SYN3: variants seen among roughly 807,000 people sequenced by gnomAD.
SYN3 encodes synapsin-3.
SYN3 carries 35 observed loss-of-function variants against 65.8 expected under a neutral mutation model. The ratio of observed to expected loss-of-function variants is 0.53; its 90% confidence interval spans 0.41 to 0.70. SYN3 has a LOEUF of 0.70. Among genes scored for constraint, SYN3 ranks in the 30% least tolerant of loss-of-function variants. SYN3 has a pLI of 0.00. For missense variants in SYN3, 680 were observed against 749.0 expected, an observed-to-expected ratio of 0.91 and a Z score of 1.08; for synonymous variants, 270 against 292.9, an observed-to-expected ratio of 0.92 and a Z score of 0.80.
At chr22:32,599,805 C>T (rs2146608401) in intron 6 of SYN3, among the ~76,000 whole-genome samples, 1 of 152,224 alleles carries the variant, frequency 6.6e-6, no homozygotes, top group Admixed American at 6.5e-5. Flanking sequence ...AGTTATGTGT[C>T]TTGTGCTGGT....
At position 32,878,960 on chromosome 22, in the gene SYN3, T is replaced by C. The variant is rs529679300; in HGVS notation, c.462-9835A>G. Among the ~76,000 whole-genome samples, 4 of 152,312 alleles carry C rather than the reference T, an allele frequency of 2.6e-5. No individual in the cohort carries two copies. In the South Asian group the frequency reaches 8.3e-4, roughly 32 times the overall value. ...AAAGATACCTAAATCTGGGTATTTATGTGAAATTCTCAATTACTTAAATGT... is the reference window on the plus strand; with the variant it reads ...AAAGATACCTAAATCTGGGTATTTACGTGAAATTCTCAATTACTTAAATGT... On this transcript the variant is annotated intron_variant, in intron 4 of 13. Transcript: ENST00000358763.
chr22:33,052,149 T>C (rs1385268243), intron 1 of SYN3, among the ~76,000 whole-genome samples: 1 of 152,128 alleles, frequency 6.6e-6, no homozygotes, highest in Non-Finnish European at 1.5e-5. Flanking sequence ...TGACCTTCAG[T>C]CTAGAGCTAG....
In SYN3 at chr22:32,990,723, T is replaced by A. The variant is rs5998687; in HGVS notation, c.312-10021A>T. Among the ~76,000 whole-genome samples the A allele has an allele frequency of 8.7e-4, 133 of 152,290 alleles. 1 individual carries two copies. The highest frequency in any genetic ancestry group is 3.1e-3 in the African/African-American group (127 of 41,570). On this transcript the variant is annotated intron_variant, in intron 2 of 13. Coordinates refer to ENST00000358763, the MANE Select transcript of SYN3 (RefSeq NM_003490.4). ...AGTAGACCTCATAGAATCCACAGTCTTGTTTTGTTGCACTTAAATTGTATA... is the reference window on the plus strand; with the variant it reads ...AGTAGACCTCATAGAATCCACAGTCATGTTTTGTTGCACTTAAATTGTATA...
intron 7 of SYN3, among the ~76,000 whole-genome samples, chr22:32,553,151 G>A (rs2058441404): frequency 6.6e-6 from 1 of 152,050 alleles, no homozygotes; most frequent in African/African-American, 2.4e-5. Context: ...ACCTCCCATA[G>A]ATCCCATCTC....
At chr22:33,019,182 A>C (rs1266290601) in intron 1 of SYN3, among the ~76,000 whole-genome samples, 2 of 152,192 alleles carry the variant, frequency 1.3e-5, no homozygotes, top group Admixed American at 6.5e-5. Flanking sequence ...AAATACCTTA[A>C]TCATTGCCAT....
intron 1 of SYN3, 60 bp downstream of exon 1, chr22:33,058,232 T>A (rs1377890029): frequency 1.3e-5 from 2 of 151,614 alleles, no homozygotes; most frequent in African/African-American, 2.4e-5. Context: ...CCGCTCGAGG[T>A]GGGGTCTCCC....
rs8142144 is a variant in SYN3, at chr22:32,771,655, G to A, written c.711+93260C>T. 9.7e-3 allele frequency among the ~76,000 whole-genome samples: 1,471 copies of A among 152,230 alleles called. 30 individuals are homozygous for A. The highest frequency in any genetic ancestry group is 0.034 in the African/African-American group (1,432 of 41,526). On this transcript the variant is annotated intron_variant, in intron 6 of 13. Transcript: ENST00000358763. ...GCCCAAATACATCTACATCATATTC[G>A]GTGTACATGACTGGCCATTTCAAAT...
chr22:32,744,448 C>T (rs1322901977), intron 6 of SYN3, among the ~76,000 whole-genome samples: 1 of 152,182 alleles, frequency 6.6e-6, no homozygotes, highest in African/African-American at 2.4e-5. Context: ...TGCTGGGTAT[C>T]GAGTGAGCTA....
chr22:32,742,069 C>T (rs2044788039), intron 6 of SYN3, among the ~76,000 whole-genome samples: 2 of 151,786 alleles, frequency 1.3e-5, no homozygotes, highest in South Asian at 2.1e-4. Flanking sequence ...GTCAGGAGAT[C>T]GAGACCATCC....
rs1318391217 is a variant in SYN3 at position 32,789,057 on chromosome 22, G to C, written c.711+75858C>G. Among the ~76,000 whole-genome samples, 8 of 152,214 alleles carry C rather than the reference G, an allele frequency of 5.3e-5. No individual in the cohort carries two copies. In the East Asian group the frequency reaches 1.5e-3, roughly 29 times the overall value. On this transcript the variant is annotated intron_variant, in intron 6 of 13. Coordinates refer to ENST00000358763, the MANE Select transcript of SYN3 (RefSeq NM_003490.4). ...GGATTGCTGGGCCCCCCTCCAGCTG[G>C]CTCCGGCTCCAGGCCTCTGAGCCGC...
At chr22:32,633,874 C>G (rs2146833866) in intron 6 of SYN3, among the ~76,000 whole-genome samples, 1 of 152,074 alleles carries the variant, frequency 6.6e-6, no homozygotes, top group South Asian at 2.1e-4. Context: ...ATCCATCTAC[C>G]TCGGCCTCCC....
At chr22:32,622,987 C>T (rs958996470) in intron 6 of SYN3, among the ~76,000 whole-genome samples, 11 of 151,854 alleles carry the variant, frequency 7.2e-5, no homozygotes, top group African/African-American at 2.4e-4. Context: ...GAGGGAGGGG[C>T]GAGGGAGACT....
At chr22:32,877,475 A>T (rs1452604059) in intron 4 of SYN3, among the ~76,000 whole-genome samples, 1 of 152,096 alleles carries the variant, frequency 6.6e-6, no homozygotes, top group Non-Finnish European at 1.5e-5. Flanking sequence ...AGGCTGGATA[A>T]TTCTCTGTTG....
At chr22:32,743,351 G>C (rs2044830515) in intron 6 of SYN3, among the ~76,000 whole-genome samples, 1 of 152,174 alleles carries the variant, frequency 6.6e-6, no homozygotes, top group Non-Finnish European at 1.5e-5. Flanking sequence ...CCCTTGGCTG[G>C]CTTCTGCAGA....
chr22:32,881,324 G>A (rs1035869129), intron 4 of SYN3, among the ~76,000 whole-genome samples: 3 of 152,130 alleles, frequency 2.0e-5, no homozygotes, highest in East Asian at 1.9e-4. Context: ...CAGGCCAGGC[G>A]CTAATATGTA....
At chr22:32,695,361 T>C (rs945622821) in intron 6 of SYN3, among the ~76,000 whole-genome samples, 5 of 152,230 alleles carry the variant, frequency 3.3e-5, no homozygotes, top group African/African-American at 9.6e-5. Context: ...TTTCATCCCA[T>C]GTTAGATCTT....
intron 6 of SYN3, among the ~76,000 whole-genome samples, chr22:32,765,167 C>T (rs918348186): frequency 1.3e-5 from 2 of 152,028 alleles, no homozygotes; most frequent in Admixed American, 6.6e-5. Flanking sequence ...GCCAGAGAGG[C>T]AGTGGTGAGG....
chr22:32,901,469 G>A (rs2049757528), intron 4 of SYN3, among the ~76,000 whole-genome samples: 1 of 152,158 alleles, frequency 6.6e-6, no homozygotes, highest in Admixed American at 6.5e-5. Context: ...TCAGGCCCAA[G>A]TCCAATTCCT....
At chr22:32,874,288 C>G (rs1489744953) in intron 4 of SYN3, among the ~76,000 whole-genome samples, 2 of 152,186 alleles carry the variant, frequency 1.3e-5, no homozygotes, top group African/African-American at 4.8e-5. Context: ...GTCCTGGCCG[C>G]AGGTTGTAGC....
Sources: gnomAD v4.1 joint callset for allele counts (sites outside exome capture counted in the v4.1 genomes callset) on GRCh38, gnomAD v4.1.1 for gene constraint, MANE v1.5 for transcripts, NCBI Gene and HGNC (gene_info 2026-07-23, HGNC 2026-07-21) for gene names.